Variants in THRAP3 observed in about 807,000 individuals in gnomAD.
THRAP3 encodes the protein thyroid hormone receptor-associated protein 3.
Under a neutral mutation model 101.0 loss-of-function variants are expected in THRAP3, and 16 were observed. The ratio of observed to expected loss-of-function variants is 0.16; its 90% confidence interval spans 0.11 to 0.24. The LOEUF (loss-of-function observed/expected upper bound fraction) is 0.24. THRAP3 is among the 10% of genes least tolerant of loss of function. THRAP3 has a pLI of 1.00. For missense variants in THRAP3, 989 were observed against 1,202.7 expected (o/e 0.82, Z 2.63); for synonymous variants, 407 against 422.6 (o/e 0.96, Z 0.45).
chr1:36,207,906 C>T, the THRAP3 span, among the ~76,000 whole-genome samples: 1 of 152,168 alleles, frequency 6.6e-6, no homozygotes, highest in Non-Finnish European at 1.5e-5. Context: ...GATTCTCCTG[C>T]CTCAGCCTCC....
At chr1:36,228,039 C>T (rs1644981985) in intron 1 of THRAP3, among the ~76,000 whole-genome samples, 1 of 147,738 alleles carries the variant, frequency 6.8e-6, no homozygotes. Flanking sequence ...CCACACGTGG[C>T]CTCTTTTTTT....
At chr1:36,249,850 G>A (rs1645278076) in intron 1 of THRAP3, among the ~76,000 whole-genome samples, 1 of 152,064 alleles carries the variant, frequency 6.6e-6, no homozygotes, top group Non-Finnish European at 1.5e-5. Flanking sequence ...TAGAAGCATA[G>A]GAGTCAGTGG....
chr1:36,294,993 G>GT (rs1456436429), intron 8 of THRAP3, among the ~76,000 whole-genome samples: 1 of 152,190 alleles, frequency 6.6e-6, no homozygotes, highest in Non-Finnish European at 1.5e-5. Context: ...GGAGGCCGAG[G>GT]TGGGTGGATC....
chr1:36,291,743 A>G (rs1645871119), intron 6 of THRAP3, among the ~76,000 whole-genome samples, 197 bp downstream of exon 6: 1 of 152,246 alleles, frequency 6.6e-6, no homozygotes, highest in South Asian at 2.1e-4. Flanking sequence ...TTGAAATGCT[A>G]GTAACCTGTG....
intron 1 of THRAP3, among the ~76,000 whole-genome samples, chr1:36,249,979 G>A (rs1173803629): frequency 6.6e-6 from 1 of 152,030 alleles, no homozygotes; most frequent in Admixed American, 6.6e-5. Context: ...GGTTATTCTG[G>A]CATCAAATTT....
chr1:36,210,726 T>TATATCATATATATATATC, the THRAP3 span, among the ~76,000 whole-genome samples: 1 of 1,848 alleles, frequency 5.4e-4, no homozygotes, highest in Non-Finnish European at 1.5e-3. Context: ...TATATATATA[T>TATATCATATATATATATC]ATATATATAT....
Position 36,304,462 on chromosome 1 carries a change from T to G in THRAP3, c.*445T>G. 4.4e-6 allele frequency: 1 copy of G among 227,370 alleles called. No homozygotes were observed. The highest frequency in any genetic ancestry group is 6.3e-5 in the East Asian group (1 of 15,846). The allele number at this position is 227,370 out of a possible 1,614,324, so 14.1% of individuals were successfully genotyped here. The stretch of plus-strand genomic sequence containing the variant: ...AGCCCCCTCCTTTTTTTTTTTTTTT[T>G]TCTTTTTTTAGGCATATGTAGTAAT... On this transcript the variant is annotated 3_prime_UTR_variant, in exon 12 of 12. Transcript: ENST00000354618.
At position 36,287,038 on chromosome 1, in the gene THRAP3, G is replaced by A. The variant is rs771991072; in HGVS notation, c.808G>A (p.Val270Met). ...GCGGCGGTCACCCCGTCCTAGCCCC[G>A]TGCCAAAACCTAGTCCTCCACTTTC... ...VRRRSPRPSP[V>M]PKPSPPLSST... The change falls in exon 4 of 12, where the codon GTG becomes ATG. Residue 270 changes from valine (V) to methionine (M), a missense_variant. Coordinates refer to ENST00000354618, the MANE Select transcript of THRAP3 (RefSeq NM_005119.4). The A allele has an allele frequency of 1.5e-5, 24 of 1,613,532 alleles. No individual in the cohort carries two copies. Among genetic ancestry groups the A allele is most frequent in the Admixed American group, 5.0e-5 (3 of 59,980 alleles).
intron 1 of THRAP3, among the ~76,000 whole-genome samples, chr1:36,234,196 A>G (rs1354349355): frequency 6.6e-6 from 1 of 152,122 alleles, no homozygotes; most frequent in Admixed American, 6.6e-5. Flanking sequence ...TCAGCTTCCC[A>G]AAGTCCTGAG....
intron 4 of THRAP3, chr1:36,287,590 A>G: frequency 1.0e-6 from 1 of 985,472 alleles, no homozygotes; most frequent in Non-Finnish European, 1.2e-6. Flanking sequence ...CTATCAAAAA[A>G]AAGTATGGTC....
Position 36,286,680 on chromosome 1 carries a change from T to G in THRAP3, c.450T>G (p.Ser150=). The G allele has an allele frequency of 6.2e-7, 1 of 1,614,156 alleles. No homozygotes were observed. The highest frequency in any genetic ancestry group is 2.2e-5 in the East Asian group (1 of 44,884). Residue 150 remains serine (S), a synonymous_variant, in exon 4 of 12, where the codon TCT becomes TCG. Coordinates refer to ENST00000354618, the MANE Select transcript of THRAP3 (RefSeq NM_005119.4). The surrounding 1 kb of genome is among the most constrained non-coding windows in gnomAD (Gnocchi z 5.5). ...ATTCTAGAAACTCTGATAAGTCGTC[T>G]TCTGACCGGTCAAGGCGCTCCTCAT... ...RSHSRNSDKS[S]SDRSRRSSSS...
At chr1:36,296,000 G>A (rs1279520103) in intron 8 of THRAP3, among the ~76,000 whole-genome samples, 1 of 77,892 alleles carries the variant, frequency 1.3e-5, no homozygotes, top group Non-Finnish European at 2.3e-5. Flanking sequence ...TTGAGAGATA[G>A]TCTTGTTCTA....
intron 2 of THRAP3, among the ~76,000 whole-genome samples, chr1:36,262,082 T>G (rs1401952512): frequency 2.6e-5 from 4 of 152,202 alleles, no homozygotes; most frequent in Non-Finnish European, 5.9e-5. Flanking sequence ...TAGTCACATT[T>G]AAAAAAACAG....
chr1:36,260,682 C>T (rs1009147107), intron 2 of THRAP3, among the ~76,000 whole-genome samples: 2 of 151,862 alleles, frequency 1.3e-5, no homozygotes, highest in African/African-American at 2.4e-5. Flanking sequence ...ATTAGCCGGG[C>T]GTGGTGGTGG....
chr1:36,210,927 G>A, the THRAP3 span, among the ~76,000 whole-genome samples: 1 of 149,266 alleles, frequency 6.7e-6, no homozygotes, highest in Non-Finnish European at 1.5e-5. Flanking sequence ...AACATCTTGA[G>A]ATGGGCCAGG....
chr1:36,217,466 C>T, the THRAP3 span, among the ~76,000 whole-genome samples: 4 of 151,182 alleles, frequency 2.6e-5, no homozygotes, highest in South Asian at 2.1e-4. Context: ...GAAGGGGCAG[C>T]GGTTGGTAGA....
intron 1 of THRAP3, among the ~76,000 whole-genome samples, chr1:36,243,280 G>A (rs1221448350): frequency 1.3e-5 from 2 of 151,420 alleles, no homozygotes; most frequent in Non-Finnish European, 2.9e-5. Context: ...CAATAGTGGA[G>A]GGAAGGTCAG....
chr1:36,261,857 A>G (rs1049314330), intron 2 of THRAP3, among the ~76,000 whole-genome samples: 3 of 152,206 alleles, frequency 2.0e-5, no homozygotes, highest in African/African-American at 7.2e-5. Context: ...TATTTAAGAC[A>G]TCTCCGCTGC....
intron 1 of THRAP3, chr1:36,224,919 G>A (rs926539297): frequency 6.6e-6 from 1 of 152,238 alleles, no homozygotes; most frequent in Non-Finnish European, 1.5e-5. Context: ...TTCTCCTAGG[G>A]CGCATGTGGC....
Sources: gnomAD v4.1 joint callset for allele counts (sites outside exome capture counted in the v4.1 genomes callset) on GRCh38, gnomAD v4.1.1 for gene constraint, Gnocchi (gnomAD v3.1) non-coding constraint, MANE v1.5 for transcripts, NCBI Gene and HGNC (gene_info 2026-07-23, HGNC 2026-07-21) for gene names.